Variants in IGF2BP3 observed in about 807,000 individuals in gnomAD.
The protein encoded by IGF2BP3 is insulin-like growth factor 2 mRNA-binding protein 3.
Under a neutral mutation model 73.8 loss-of-function variants are expected in IGF2BP3, and 9 were observed. The observed-to-expected ratio is 0.12, with a 90% confidence interval of 0.07 to 0.21. The LOEUF is 0.21. Among genes scored for constraint, IGF2BP3 ranks in the 10% least tolerant of loss-of-function variants. The pLI is 1.00. For missense variants in IGF2BP3, 542 were observed against 714.0 expected (o/e 0.76, Z 2.75); for synonymous variants, 258 against 256.7 (o/e 1.01, Z -0.05).
In IGF2BP3 at chr7:23,312,127, CT is replaced by C. The variant is rs1013824031; in HGVS notation, c.*234del. ...CTTCTCTTTCCCTCCCTCCCCCACCCTTTTTTTGTTTGTTTGTTTGTTTGTT... is the reference window on the plus strand; with the variant it reads ...CTTCTCTTTCCCTCCCTCCCCCACCCTTTTTTGTTTGTTTGTTTGTTTGTT... On this transcript the variant is annotated 3_prime_UTR_variant, in exon 15 of 15. Transcript: ENST00000258729. 6.7e-6 allele frequency: 3 copies of C among 450,692 alleles called. No homozygotes were observed. The highest frequency in any genetic ancestry group is 3.7e-5 in the South Asian group (1 of 26,800). 27.9% of individuals were successfully genotyped at this position (450,692 alleles called of 1,614,324 possible). A position where few individuals can be genotyped will look rare whatever the true frequency, so the allele number is the denominator to read the frequency against.
chr7:23,420,081 C>T (rs1787301639), intron 2 of IGF2BP3, among the ~76,000 whole-genome samples: 1 of 152,174 alleles, frequency 6.6e-6, no homozygotes, highest in Non-Finnish European at 1.5e-5. Flanking sequence ...CAGTCACCTC[C>T]TTTGAAGGAG....
intron 3 of IGF2BP3, among the ~76,000 whole-genome samples, chr7:23,366,224 G>A (rs1265519681): frequency 1.3e-5 from 2 of 151,532 alleles, no homozygotes; most frequent in East Asian, 1.9e-4. Flanking sequence ...TGCAACGTCT[G>A]CCTCCCAGGT....
chr7:23,425,869 C>T (rs549630055), intron 2 of IGF2BP3, among the ~76,000 whole-genome samples: 1 of 152,092 alleles, frequency 6.6e-6, no homozygotes, highest in East Asian at 1.9e-4. Flanking sequence ...GAGGCTGAGG[C>T]AGGAGGATCA....
At chr7:23,433,911 C>T (rs1469244972) in intron 2 of IGF2BP3, among the ~76,000 whole-genome samples, 2 of 151,870 alleles carry the variant, frequency 1.3e-5, no homozygotes, top group African/African-American at 4.8e-5. Flanking sequence ...CCCATCTCTG[C>T]TAAAAATACA....
rs567820897 is a variant in IGF2BP3, at chr7:23,414,504, G to A, written c.285+4272C>T. ...TGACTTCACAGAATCTGGCTTACAA[G>A]ATGACTCCTAGAATTGGGGCAGGAG... is the stretch of plus-strand genomic sequence containing the variant. On this transcript the variant is annotated intron_variant, in intron 3 of 14. Coordinates refer to ENST00000258729, the MANE Select transcript of IGF2BP3 (RefSeq NM_006547.3). 4.6e-5 allele frequency: 7 copies of A among 152,346 alleles called. No individual in the cohort carries two copies. In the South Asian group the frequency reaches 1.5e-3, roughly 32 times the overall value. 9.4% of individuals were successfully genotyped at this position (152,346 alleles called of 1,614,324 possible).
chr7:23,455,296 A>C (rs1279777873), intron 2 of IGF2BP3, among the ~76,000 whole-genome samples: 1 of 152,036 alleles, frequency 6.6e-6, no homozygotes, highest in South Asian at 2.1e-4. Context: ...CAGCCTCTTT[A>C]ATCTCAAACA....
intron 2 of IGF2BP3, among the ~76,000 whole-genome samples, chr7:23,435,112 G>A (rs1337722046): frequency 6.6e-6 from 1 of 151,746 alleles, no homozygotes; most frequent in Non-Finnish European, 1.5e-5. Flanking sequence ...GGCTAACATG[G>A]TGAAACCCCA....
chr7:23,358,933 T>C (rs1044667946), intron 5 of IGF2BP3, among the ~76,000 whole-genome samples: 2 of 152,238 alleles, frequency 1.3e-5, no homozygotes, highest in Non-Finnish European at 2.9e-5. Context: ...TCTCCAAATA[T>C]TCTTATTGGC....
intron 3 of IGF2BP3, among the ~76,000 whole-genome samples, chr7:23,369,163 C>G (rs1785473764): frequency 6.6e-6 from 1 of 152,056 alleles, no homozygotes; most frequent in South Asian, 2.1e-4. Context: ...TGCCATGGAT[C>G]CCCAGGTTGC....
At chr7:23,419,396 T>C (rs1240868082) in intron 2 of IGF2BP3, among the ~76,000 whole-genome samples, 3 of 152,350 alleles carry the variant, frequency 2.0e-5, no homozygotes, top group South Asian at 4.1e-4. Flanking sequence ...CATTAGACTG[T>C]TGGAGATCTT....
Position 23,361,593 on chromosome 7 carries a change from G to C in IGF2BP3, c.342C>G (p.Asn114Lys), listed in dbSNP as rs1188166980. ...TTACAACTGCAGTTTCCGAGTCAGT[G>C]TTCACTAGAGGAAGAGAAAAACGAA... Reference protein sequence around the residue: ...YGVVESCEQVNTDSETAVVNV... With the variant: ...YGVVESCEQVKTDSETAVVNV... Residue 114 changes from asparagine (N) to lysine (K), a missense_variant, in exon 5 of 15, where the codon AAC (asparagine) becomes AAG (lysine). Physicochemically the swap from Asn to Lys is moderately conservative, Grantham distance 94. Coordinates refer to ENST00000258729, the MANE Select transcript of IGF2BP3 (RefSeq NM_006547.3). The C allele has an allele frequency of 6.2e-7, 1 of 1,613,424 alleles. No homozygotes were observed. Among genetic ancestry groups the C allele is most frequent in the Non-Finnish European group, 8.5e-7 (1 of 1,179,660 alleles).
intron 3 of IGF2BP3, among the ~76,000 whole-genome samples, chr7:23,390,085 T>C (rs145703932): frequency 2.8e-4 from 43 of 152,170 alleles, no homozygotes; most frequent in African/African-American, 9.9e-4. Flanking sequence ...TATTTTGAAT[T>C]ATGTTAGCAT....
At chr7:23,390,012 C>T (rs926768893) in intron 3 of IGF2BP3, among the ~76,000 whole-genome samples, 18 of 151,838 alleles carry the variant, frequency 1.2e-4, no homozygotes, top group African/African-American at 4.4e-4. Flanking sequence ...GACTATTGGT[C>T]AAAGATAGGC....
At position 23,389,828 on chromosome 7, in the gene IGF2BP3, TAAAAAAAAAAA is replaced by T. The variant is rs748999337; in HGVS notation, c.286-28098_286-28088del. ...GGGCAACATAGCGAGATCCCTTCTG[TAAAAAAAAAAA>T]AAAAAAAAAAATTAGCTGGGTGTGG... On this transcript the variant is annotated intron_variant, in intron 3 of 14. Transcript: ENST00000258729. 7.4e-5 allele frequency among the ~76,000 whole-genome samples: 8 copies of T among 108,382 alleles called. No individual in the cohort carries two copies. In the East Asian group the frequency reaches 1.5e-3, roughly 20 times the overall value. 71.1% of individuals were successfully genotyped at this position (108,382 alleles called of 152,430 possible). A position where few individuals can be genotyped will look rare whatever the true frequency, so the allele number is the denominator to read the frequency against.
chr7:23,403,304 G>A (rs1246643660), intron 3 of IGF2BP3, among the ~76,000 whole-genome samples: 2 of 152,080 alleles, frequency 1.3e-5, no homozygotes, highest in Admixed American at 1.3e-4. Flanking sequence ...TCTACATATG[G>A]TACAAGCACT....
At chr7:23,312,647 C>T (rs1173923536) in intron 14 of IGF2BP3, 88 bp downstream of exon 14, 1 of 1,030,858 alleles carries the variant, frequency 9.7e-7, no homozygotes, top group East Asian at 2.5e-5. Flanking sequence ...ATCAAACAAC[C>T]TTAACTAATT....
At chr7:23,348,226 T>C (rs1271888897) in intron 6 of IGF2BP3, among the ~76,000 whole-genome samples, 1 of 152,200 alleles carries the variant, frequency 6.6e-6, no homozygotes, top group Non-Finnish European at 1.5e-5. Flanking sequence ...GCCTCCTTGA[T>C]AGAGGAAAGT....
At position 23,315,115 on chromosome 7, in the gene IGF2BP3, T is replaced by A. The variant is rs145673664; in HGVS notation, c.1396-1462A>T. On this transcript the variant is annotated intron_variant, in intron 12 of 14. Transcript: ENST00000258729. ...ACTCACTGTGCCCTGCCTTTTATTT[T>A]TTTTTATTTTTTTATTTTATTTTTT... Among the ~76,000 whole-genome samples the A allele has an allele frequency of 7.2e-3, 1,093 of 151,522 alleles. 15 individuals carry two copies. Among genetic ancestry groups the A allele is most frequent in the African/African-American group, 0.023 (960 of 41,046 alleles).
intron 3 of IGF2BP3, among the ~76,000 whole-genome samples, chr7:23,382,690 C>A (rs1338364602): frequency 6.6e-6 from 1 of 151,948 alleles, no homozygotes; most frequent in African/African-American, 2.4e-5. Flanking sequence ...AGTGACACCT[C>A]AGACAAGTAA....
Sources: gnomAD v4.1 joint callset for allele counts (sites outside exome capture counted in the v4.1 genomes callset) on GRCh38, gnomAD v4.1.1 for gene constraint, MANE v1.5 for transcripts, NCBI Gene and HGNC (gene_info 2026-07-23, HGNC 2026-07-21) for gene names.